SEPTIN7: variants seen among roughly 807,000 people sequenced by gnomAD.
The protein encoded by SEPTIN7 is septin 7.
In SEPTIN7, 10 loss-of-function variants were observed where a neutral mutation model predicts 63.3. The ratio of observed to expected loss-of-function variants is 0.16; its 90% CI spans 0.10 to 0.27. The LOEUF is 0.27. Ranked by LOEUF, SEPTIN7 falls within the 10% of genes least tolerant of loss-of-function variation. SEPTIN7 has a pLI of 1.00. For missense variants in SEPTIN7, 310 were observed against 521.0 expected, an observed-to-expected ratio of 0.59 and a Z score of 3.94; for synonymous variants, 131 against 165.3, an observed-to-expected ratio of 0.79 and a Z score of 1.59.
chr7:35,803,930 G>C (rs1033781919), intron 1 of SEPTIN7, among the ~76,000 whole-genome samples: 2 of 152,152 alleles, frequency 1.3e-5, no homozygotes, highest in Non-Finnish European at 2.9e-5. Flanking sequence ...CCCATTAGTG[G>C]ACATTGCACT....
At position 35,835,341 on chromosome 7, in the gene SEPTIN7, A is replaced by G. The variant is rs544894462; in HGVS notation, c.169+2441A>G. On this transcript the variant is annotated intron_variant, in intron 3 of 13. Transcript: ENST00000350320. ...GGCGGAAATAATAGCCATCATTTAC[A>G]TAACTTTTTTATGTGCCAGGTAATG... Among the ~76,000 whole-genome samples the G allele has an allele frequency of 5.3e-5, 8 of 152,326 alleles. No individual in the cohort carries two copies. In the South Asian group the frequency reaches 1.7e-3, roughly 32 times the overall value.
chr7:35,902,149 A>G (rs1427736519), intron 12 of SEPTIN7: 2 of 151,572 alleles, frequency 1.3e-5, no homozygotes, highest in Non-Finnish European at 2.9e-5. Flanking sequence ...TGGATAACTG[A>G]AGGTTTTGAA....
At chr7:35,887,425 C>G (rs959122789) in intron 10 of SEPTIN7, among the ~76,000 whole-genome samples, 1 of 152,208 alleles carries the variant, frequency 6.6e-6, no homozygotes, top group Non-Finnish European at 1.5e-5. Flanking sequence ...TCTTGGCTCG[C>G]TGCAGCCTCC....
chr7:35,889,967 G>A (rs1268156774), intron 10 of SEPTIN7, among the ~76,000 whole-genome samples: 1 of 152,066 alleles, frequency 6.6e-6, no homozygotes, highest in Admixed American at 6.5e-5. Flanking sequence ...CTGACAATAC[G>A]GTATTGCCAC....
intron 7 of SEPTIN7, among the ~76,000 whole-genome samples, chr7:35,880,791 G>A (rs1786829601): frequency 6.6e-6 from 1 of 152,032 alleles, no homozygotes; most frequent in Non-Finnish European, 1.5e-5. Flanking sequence ...TGAGCTAGCT[G>A]GAAGGCCACT....
chr7:35,829,836 C>T (rs1022495536), intron 1 of SEPTIN7, among the ~76,000 whole-genome samples: 7 of 151,578 alleles, frequency 4.6e-5, no homozygotes, highest in East Asian at 1.9e-4. Context: ...GGAGTGGGGT[C>T]GTAATTTTAA....
intron 12 of SEPTIN7, chr7:35,899,116 T>TA (rs1788140304): frequency 6.6e-6 from 1 of 152,112 alleles, no homozygotes; most frequent in Non-Finnish European, 1.5e-5. Context: ...AACTGAACAT[T>TA]AAAAATCCAT....
chr7:35,837,788 G>C (rs1170092439), intron 3 of SEPTIN7, among the ~76,000 whole-genome samples: 1 of 152,128 alleles, frequency 6.6e-6, no homozygotes, highest in Non-Finnish European at 1.5e-5. Context: ...CTGGAGTGCA[G>C]TGGTGCAGTG....
At chr7:35,820,359 C>T (rs1789338736) in intron 1 of SEPTIN7, among the ~76,000 whole-genome samples, 1 of 151,902 alleles carries the variant, frequency 6.6e-6, no homozygotes. Flanking sequence ...CTTCCTAAAC[C>T]CACCCCTTTT....
chr7:35,898,368 G>T lies in SEPTIN7; in HGVS notation c.1119G>T (p.Lys373Asn). The part of the protein sequence containing the change: ...MKVKEKVQKL[K>N]DSEAELQRRH... ...TCAAAGAAAAAGTTCAAAAACTGAAGGACTCTGAAGCTGAGGTAATCAGTC... is the reference window on the plus strand; with the variant it reads ...TCAAAGAAAAAGTTCAAAAACTGAATGACTCTGAAGCTGAGGTAATCAGTC... Residue 373 changes from lysine to asparagine, a missense_variant, in exon 12 of 14, where the codon AAG (lysine) becomes AAT (asparagine). Physicochemically the swap from Lys to Asn is moderately conservative, Grantham distance 94 (BLOSUM62 0). Coordinates refer to ENST00000350320, the MANE Select transcript of SEPTIN7 (RefSeq NM_001788.6). 6.5e-7 allele frequency: 1 copy of T among 1,547,348 alleles called. No homozygotes were observed. The highest frequency in any genetic ancestry group is 8.7e-7 in the Non-Finnish European group (1 of 1,143,766).
downstream of SEPTIN7, among the ~76,000 whole-genome samples, chr7:35,908,670 C>G (rs1376272564): frequency 1.3e-5 from 2 of 152,168 alleles, no homozygotes; most frequent in Admixed American, 6.5e-5. Flanking sequence ...ACACTACCAA[C>G]AAACTTCCTT....
chr7:35,909,047 C>T (rs188628395), downstream of SEPTIN7, among the ~76,000 whole-genome samples: 2 of 152,188 alleles, frequency 1.3e-5, no homozygotes, highest in African/African-American at 2.4e-5. Context: ...TGGCATGGCC[C>T]CTGGTGTTAA....
At chr7:35,826,011 G>A (rs1378776670) in intron 1 of SEPTIN7, among the ~76,000 whole-genome samples, 2 of 151,774 alleles carry the variant, frequency 1.3e-5, no homozygotes, top group African/African-American at 2.4e-5. Context: ...TGAGGGATGA[G>A]GAACATAAAA....
At chr7:35,870,274 T>A (rs2116201588) in intron 4 of SEPTIN7, among the ~76,000 whole-genome samples, 1 of 152,330 alleles carries the variant, frequency 6.6e-6, no homozygotes, top group Non-Finnish European at 1.5e-5. Context: ...GTAATTAAGT[T>A]GTTGAACTGA....
intron 3 of SEPTIN7, among the ~76,000 whole-genome samples, chr7:35,852,685 C>G (rs947747428): frequency 2.0e-4 from 31 of 152,108 alleles, no homozygotes; most frequent in African/African-American, 7.5e-4. Flanking sequence ...GGGAAATAAA[C>G]TATTTTATCA....
intron 3 of SEPTIN7, among the ~76,000 whole-genome samples, chr7:35,862,162 C>T (rs1177172221): frequency 3.3e-5 from 5 of 151,998 alleles, no homozygotes; most frequent in Admixed American, 2.0e-4. Context: ...AAAAATCATC[C>T]GTATTGTACT....
chr7:35,831,763 G>A (rs1783844033), intron 2 of SEPTIN7: 1 of 234,932 alleles, frequency 4.3e-6, no homozygotes, highest in South Asian at 4.8e-5. Context: ...GAACAAAAGA[G>A]CCAAAGATTA....
intron 11 of SEPTIN7, among the ~76,000 whole-genome samples, chr7:35,891,564 AATGGT>A: frequency 6.6e-6 from 1 of 152,166 alleles, no homozygotes; most frequent in Non-Finnish European, 1.5e-5. Flanking sequence ...AAAGATTAAA[AATGGT>A]ATATCTGTAT....
chr7:35,903,654 G>A (rs1462601561), intron 13 of SEPTIN7, among the ~76,000 whole-genome samples: 1 of 152,108 alleles, frequency 6.6e-6, no homozygotes, highest in African/African-American at 2.4e-5. Context: ...TTAGATATTT[G>A]ATTTCCAATA....
Sources: allele counts gnomAD v4.1 joint callset (sites outside exome capture counted in the v4.1 genomes callset), GRCh38; gene constraint gnomAD v4.1.1; transcripts MANE v1.5; gene names NCBI Gene and HGNC (gene_info 2026-07-23, HGNC 2026-07-21).